The following MTERF4 variants were observed in gnomAD, a reference collection of about 807,000 sequenced individuals.
MTERF4 encodes mitochondrial transcription termination factor 4, also known as transcription termination factor 4, mitochondrial.
In MTERF4, 17 loss-of-function variants were observed where a neutral mutation model predicts 22.5. The observed-to-expected ratio is 0.75, with a 90% confidence interval of 0.52 to 1.13. The LOEUF (loss-of-function observed/expected upper bound fraction) is 1.13, where lower values mean the gene tolerates loss of function less well. MTERF4 is among the 50% of genes most tolerant of loss of function. The pLI, the probability that MTERF4 is intolerant of heterozygous loss-of-function variation, is 0.00. For synonymous variants in MTERF4, 165 were observed against 175.3 expected (o/e 0.94, Z 0.47); for missense variants, 420 against 466.8 (o/e 0.90, Z 0.92).
At chr2:241,074,938 G>A (rs369249266) in exon 5 of MTERF4, 4 of 150,096 alleles carry the variant, frequency 2.7e-5, no homozygotes, top group East Asian at 1.9e-4. Context: ...TGGAAGGTGC[G>A]GGGAGTGATT....
downstream of MTERF4, chr2:241,070,296 C>T: frequency 1.5e-6 from 2 of 1,302,096 alleles, no homozygotes; most frequent in Non-Finnish European, 1.0e-6. Context: ...GCCTGGGATG[C>T]CAGGCAGACA....
At chr2:241,052,928 G>T in the MTERF4 span, among the ~76,000 whole-genome samples, 1 of 151,998 alleles carries the variant, frequency 6.6e-6, no homozygotes, top group African/African-American at 2.4e-5. Context: ...AGTGGGGAGC[G>T]TGGGATTTCT....
the MTERF4 span, chr2:241,065,340 G>A: frequency 3.1e-6 from 5 of 1,613,016 alleles, no homozygotes; most frequent in South Asian, 4.4e-5. Context: ...GAGAGTGGAG[G>A]AGAGTGGGGT....
chr2:241,088,235 G>A, downstream of MTERF4: 1 of 721,194 alleles, frequency 1.4e-6, no homozygotes, highest in Non-Finnish European at 2.5e-6. Context: ...CTGGACTAAT[G>A]GTGTCCCCCA....
chr2:241,073,699 G>C lies in MTERF4; in HGVS notation n.2463C>G. 2.2e-6 allele frequency: 1 copy of C among 460,904 alleles called. No homozygotes were observed. The highest frequency in any genetic ancestry group is 3.8e-6 in the Non-Finnish European group (1 of 260,312). The allele number at this position is 460,904 out of a possible 1,614,324, so 28.6% of individuals were successfully genotyped here. On this transcript the variant is annotated non_coding_transcript_exon_variant, in exon 5 of 5. Transcript: ENST00000464344. This position sits in a 1 kb window ranked among gnomAD's most constrained non-coding sequence, Gnocchi z 6.6. Reference sequence around the variant, plus strand: ...GAGCCCACCCCAGCCCCTGCCTCTGGGCCCCTCACCCCTCACTTCTCCAAA... The same window carrying C: ...GAGCCCACCCCAGCCCCTGCCTCTGCGCCCCTCACCCCTCACTTCTCCAAA...
chr2:241,099,328 G>A, intron 2 of MTERF4, 68 bp downstream of exon 2: 2 of 1,519,498 alleles, frequency 1.3e-6, no homozygotes, highest in African/African-American at 1.4e-5. Context: ...GCCTGCCTCG[G>A]CCTCCCAAAG....
At chr2:241,050,993 C>T in the MTERF4 span, among the ~76,000 whole-genome samples, 9 of 152,352 alleles carry the variant, frequency 5.9e-5, no homozygotes, top group South Asian at 8.3e-4. Context: ...CCTCTGACCC[C>T]GGAGGGAGTA....
At position 241,096,518 on chromosome 2, in the gene MTERF4, T is replaced by A. The variant is rs2064435090; in HGVS notation, c.706-80A>T. 6.6e-7 allele frequency: 1 copy of A among 1,509,122 alleles called. No homozygotes were observed. The highest frequency in any genetic ancestry group is 9.2e-7 in the Non-Finnish European group (1 of 1,086,732). The allele number at this position is 1,509,122 out of a possible 1,614,324, so 93.5% of individuals were successfully genotyped here. On this transcript the variant is annotated intron_variant, in intron 3 of 3. Coordinates refer to ENST00000391980, the MANE Select transcript of MTERF4 (RefSeq NM_182501.4). The surrounding 1 kb of genome is among the most constrained non-coding windows in gnomAD (Gnocchi z 5.1). ...ATTCTATAAACCATAAAAACTTAAG[T>A]TGTACAAAAGGATTCAAAAAGAATT...
chr2:241,079,592 C>T (rs2063230852), intron 4 of MTERF4, among the ~76,000 whole-genome samples: 3 of 152,034 alleles, frequency 2.0e-5, no homozygotes, highest in African/African-American at 7.3e-5. Context: ...ATCGGCGAGG[C>T]TTCTCTGAAT....
the MTERF4 span, chr2:241,065,709 C>G: frequency 1.1e-6 from 1 of 895,826 alleles, no homozygotes. Flanking sequence ...GTTCTTGCAG[C>G]AGCAAGACAG....
Position 241,099,011 on chromosome 2 carries a change from AC to A in MTERF4, c.520+384del, listed in dbSNP as rs1312720547. 3.3e-5 allele frequency among the ~76,000 whole-genome samples: 5 copies of A among 150,300 alleles called. No homozygotes were observed. In the South Asian group the frequency reaches 1.1e-3, roughly 32 times the overall value. On this transcript the variant is annotated intron_variant, in intron 2 of 3. Coordinates refer to ENST00000391980, the MANE Select transcript of MTERF4 (RefSeq NM_182501.4). The stretch of plus-strand genomic sequence containing the variant: ...TCCAGGAACACTGACATACTCAGAA[AC>A]CTCCCCTAATCCATCTCACCTTAGG...
At chr2:241,081,920 G>A (rs557160404) in intron 4 of MTERF4, 3 of 731,200 alleles carry the variant, frequency 4.1e-6, no homozygotes, top group African/African-American at 1.7e-5. Context: ...AGGGAGTCTG[G>A]TGCACGGGGC....
chr2:241,070,207 T>C, downstream of MTERF4: 6 of 1,599,822 alleles, frequency 3.8e-6, no homozygotes, highest in Non-Finnish European at 5.1e-6. Context: ...CACCTGTGAG[T>C]GCCGTGGGCC....
At chr2:241,065,369 G>T in the MTERF4 span, 6 of 1,613,046 alleles carry the variant, frequency 3.7e-6, no homozygotes, top group South Asian at 5.5e-5. Flanking sequence ...CCTGGAACCC[G>T]CCCAATGGTC....
chr2:241,094,012 G>A (rs2064220574), downstream of MTERF4: 4 of 251,256 alleles, frequency 1.6e-5, no homozygotes, highest in South Asian at 4.2e-5. This position sits in a 1 kb window ranked among gnomAD's most constrained non-coding sequence, Gnocchi z 4.3. Context: ...TTAGTCCTCC[G>A]ACTGGGTACA....
the MTERF4 span, chr2:241,053,079 C>A: frequency 7.0e-7 from 1 of 1,428,588 alleles, no homozygotes; most frequent in Non-Finnish European, 9.5e-7. Context: ...GCAGTCGGGT[C>A]GGGCAGAGGC....
downstream of MTERF4, chr2:241,071,846 G>A (rs771129427): frequency 4.4e-6 from 7 of 1,605,212 alleles, no homozygotes; most frequent in South Asian, 1.1e-5. Flanking sequence ...AGGTTCGGTG[G>A]CTCACCCAGC....
the MTERF4 span, among the ~76,000 whole-genome samples, chr2:241,062,076 C>G: frequency 6.6e-6 from 1 of 151,980 alleles, no homozygotes; most frequent in South Asian, 2.1e-4. Context: ...GAATAAAGTT[C>G]ATAAACAACA....
chr2:241,063,422 G>A, the MTERF4 span: 4 of 636,682 alleles, frequency 6.3e-6, no homozygotes, highest in Admixed American at 2.3e-5. Context: ...GCCTCCCGAG[G>A]AGGGGTGGGT....
Sources: gnomAD v4.1 joint callset for allele counts (sites outside exome capture counted in the v4.1 genomes callset) on GRCh38, gnomAD v4.1.1 for gene constraint, Gnocchi (gnomAD v3.1) non-coding constraint, MANE v1.5 for transcripts, NCBI Gene and HGNC (gene_info 2026-07-23, HGNC 2026-07-21) for gene names.